Variants in ZKSCAN5 observed in about 807,000 individuals in gnomAD.
The protein encoded by ZKSCAN5 is zinc finger protein with KRAB and SCAN domains 5.
ZKSCAN5 carries 28 observed loss-of-function variants against 60.0 expected under a neutral mutation model. That is an observed-to-expected ratio of 0.47 (90% CI 0.35 to 0.64). The LOEUF (loss-of-function observed/expected upper bound fraction) is 0.64, where lower values mean the gene tolerates loss of function less well. Among genes scored for constraint, ZKSCAN5 ranks in the 30% least tolerant of loss-of-function variants. The probability of loss-of-function intolerance (pLI) is 0.01; values close to 1 mark genes in which losing one functional copy is unlikely to be tolerated. For synonymous variants in ZKSCAN5, 361 were observed against 371.2 expected, an observed-to-expected ratio of 0.97 and a Z score of 0.31; for missense variants, 881 against 1,034.6, an observed-to-expected ratio of 0.85 and a Z score of 2.04.
At chr7:99,516,082 A>C (rs1801254392) in intron 3 of ZKSCAN5, among the ~76,000 whole-genome samples, 1 of 150,520 alleles carries the variant, frequency 6.6e-6, no homozygotes, top group African/African-American at 2.4e-5. Context: ...GGTTCAAGCG[A>C]CTCTCCTGCC....
intron 2 of ZKSCAN5, among the ~76,000 whole-genome samples, chr7:99,511,583 C>G (rs1462437179): frequency 6.6e-6 from 1 of 151,518 alleles, no homozygotes; most frequent in East Asian, 1.9e-4. Context: ...GCTGGGACCA[C>G]AGGGACATGC....
intron 3 of ZKSCAN5, among the ~76,000 whole-genome samples, chr7:99,512,930 A>G (rs1801106256): frequency 6.7e-6 from 1 of 149,458 alleles, no homozygotes; most frequent in African/African-American, 2.5e-5. Context: ...GCACCCACTA[A>G]CTCGTCATCT....
intron 3 of ZKSCAN5, among the ~76,000 whole-genome samples, chr7:99,514,820 A>T (rs1801192365): frequency 6.6e-6 from 1 of 151,990 alleles, no homozygotes. Flanking sequence ...CTGAGTCAGG[A>T]GAATTGCTTG....
intron 5 of ZKSCAN5, among the ~76,000 whole-genome samples, chr7:99,523,348 G>A (rs773743329): frequency 6.6e-6 from 1 of 151,730 alleles, no homozygotes; most frequent in Non-Finnish European, 1.5e-5. Context: ...CCTGCTGAAC[G>A]CAGGAACTCA....
chr7:99,531,182 G>T lies in ZKSCAN5; in HGVS notation c.1453G>T (p.Glu485Ter). Residue 485 changes from glutamate to a stop codon, truncating the protein, a stop_gained, in exon 7 of 7, where the codon GAA becomes TAA. Coordinates refer to ENST00000326775, the MANE Select transcript of ZKSCAN5 (RefSeq NM_145102.4). LOFTEE classifies it high-confidence loss of function. ...KISEYSEADM[E>*]LSGKTQRNVS... ...TTCAGAATATTCAGAAGCAGACATG[G>T]AACTATCTGGAAAAACCCAAAGAAA... The T allele has an allele frequency of 6.2e-7, 1 of 1,613,828 alleles. No individual in the cohort carries two copies. The highest frequency in any genetic ancestry group is 1.1e-5 in the South Asian group (1 of 90,928).
At chr7:99,505,829 G>GAATTGTTTCAGTGTAACACAGCCAGC in intron 1 of ZKSCAN5, 176 bp from the exon 2 acceptor site, 1 of 475,526 alleles carries the variant, frequency 2.1e-6, no homozygotes, top group Non-Finnish European at 3.8e-6. Context: ...TGAAGTGATG[G>GAATTGTTTCAGTGTAACACAGCCAGC]CTACCTTGTA....
rs149025025 is a variant in ZKSCAN5 at position 99,524,911 on chromosome 7, G to A, written c.773-902G>A. On this transcript the variant is annotated intron_variant, in intron 5 of 6. Transcript: ENST00000326775. ...TGACTGGGCGCGGTGGCTCATGTCT[G>A]TAATCCCAGCACTTTGGGAGGCCGA... is the stretch of plus-strand genomic sequence containing the variant. 1.5e-3 allele frequency among the ~76,000 whole-genome samples: 228 copies of A among 152,182 alleles called. 1 individual carries two copies. Among genetic ancestry groups the A allele is most frequent in the African/African-American group, 4.6e-3 (189 of 41,534 alleles).
Position 99,531,875 on chromosome 7 carries a change from C to G in ZKSCAN5, c.2146C>G (p.Pro716Ala), listed in dbSNP as rs767349979. Residue 716 changes from proline (P) to alanine (A), a missense_variant, in exon 7 of 7, where the codon CCT (proline) becomes GCT (alanine). By Grantham distance (27) the Pro-to-Ala change is conservative. Transcript: ENST00000326775. ...CAAGAAGATTGAGTTACAAGAGCAG[C>G]CTTATCAGTGTGATATCTGTGGAAA... Reference protein sequence around the residue: ...EDKKIELQEQPYQCDICGKAF... With the variant: ...EDKKIELQEQAYQCDICGKAF... The G allele has an allele frequency of 3.7e-6, 6 of 1,614,178 alleles. No homozygotes were observed. In the South Asian group the frequency reaches 6.6e-5, roughly 18 times the overall value.
chr7:99,531,093 C>T lies in ZKSCAN5; in HGVS notation c.1379-15C>T, dbSNP rs754356165. ...AGAACTGATGACATTTTCACTTGCT[C>T]TTTATTTTTTTTAGGCAGTGACAAA... On this transcript the variant is annotated splice_polypyrimidine_tract_variant and intron_variant, in intron 6 of 6. Transcript: ENST00000326775. 1 of 1,561,364 alleles carries T rather than the reference C, an allele frequency of 6.4e-7. No individual in the cohort carries two copies. Among genetic ancestry groups the T allele is most frequent in the South Asian group, 1.2e-5 (1 of 81,398 alleles).
At chr7:99,518,670 C>CT (rs993896580) in intron 3 of ZKSCAN5, among the ~76,000 whole-genome samples, 12,316 of 92,246 alleles carry the variant, frequency 0.13, 1,377 homozygotes, top group African/African-American at 0.26. Flanking sequence ...AGAATGCATC[C>CT]TTTTTTTTTT....
At chr7:99,527,166 CA>C (rs1801828742) in intron 6 of ZKSCAN5, among the ~76,000 whole-genome samples, 1 of 152,046 alleles carries the variant, frequency 6.6e-6, no homozygotes, top group African/African-American at 2.4e-5. Context: ...CTTGTCTCTA[CA>C]AAAAAATTTA....
chr7:99,527,307 C>T (rs1801834118), intron 6 of ZKSCAN5, among the ~76,000 whole-genome samples: 1 of 152,224 alleles, frequency 6.6e-6, no homozygotes. Flanking sequence ...AGCCACTGCA[C>T]TCCAGACTGG....
chr7:99,512,700 C>T (rs1384306008), intron 3 of ZKSCAN5, 109 bp downstream of exon 3: 5 of 1,407,732 alleles, frequency 3.6e-6, no homozygotes, highest in Non-Finnish European at 4.7e-6. Context: ...AGCCTCTCTA[C>T]AGCCTGCAGG....
intron 5 of ZKSCAN5, among the ~76,000 whole-genome samples, chr7:99,522,547 C>T (rs1801584552): frequency 6.6e-6 from 1 of 151,194 alleles, no homozygotes; most frequent in Admixed American, 6.6e-5. Context: ...GATCTTGGCT[C>T]ACTGCAACCT....
chr7:99,510,979 A>T (rs944266779), intron 2 of ZKSCAN5, among the ~76,000 whole-genome samples: 1 of 152,118 alleles, frequency 6.6e-6, no homozygotes, highest in African/African-American at 2.4e-5. Flanking sequence ...CCTGAGCTCA[A>T]GTCATCCACC....
chr7:99,531,393 G>A lies in ZKSCAN5; in HGVS notation c.1664G>A (p.Gly555Glu). Residue 555 changes from glycine to glutamate, a missense_variant, in exon 7 of 7, where the codon GGG becomes GAG. This residue lies in a region of ZKSCAN5 where 490 missense variants were observed against 554.5 expected (regional missense o/e 0.88). Coordinates refer to ENST00000326775, the MANE Select transcript of ZKSCAN5 (RefSeq NM_145102.4). Reference sequence around the variant, plus strand: ...AGACCACATAAATGTAACGAGTGTGGGAAAAGCTTCATTCAGAGTGCACAT... The same window carrying A: ...AGACCACATAAATGTAACGAGTGTGAGAAAAGCTTCATTCAGAGTGCACAT... ...GERPHKCNECGKSFIQSAHLI... is the reference protein window; with the variant it reads ...GERPHKCNECEKSFIQSAHLI... The A allele has an allele frequency of 1.9e-6, 3 of 1,614,120 alleles. No individual in the cohort carries two copies. Among genetic ancestry groups the A allele is most frequent in the South Asian group, 1.1e-5 (1 of 91,082 alleles).
intron 3 of ZKSCAN5, among the ~76,000 whole-genome samples, chr7:99,515,311 A>G (rs556604616): frequency 1.3e-5 from 2 of 151,684 alleles, no homozygotes; most frequent in African/African-American, 4.8e-5. Flanking sequence ...GGAGGCTGAG[A>G]CAGGAGAATG....
At position 99,526,481 on chromosome 7, in the gene ZKSCAN5, A is replaced by G. The variant is rs892658999; in HGVS notation, c.1378+63A>G. On this transcript the variant is annotated intron_variant, in intron 6 of 6. Transcript: ENST00000326775. Reference sequence around the variant, plus strand: ...GGCGAAAAGCAAAAGGTGTTTTATTAGTACGGTACAACAGGACAGATGGGT... The same window carrying G: ...GGCGAAAAGCAAAAGGTGTTTTATTGGTACGGTACAACAGGACAGATGGGT... The G allele has an allele frequency of 2.6e-6, 4 of 1,549,916 alleles. No homozygotes were observed. The African/African-American group carries it at 5.4e-5, about 21-fold the overall frequency.
chr7:99,530,182 C>T (rs903367107), intron 6 of ZKSCAN5, among the ~76,000 whole-genome samples: 19 of 151,884 alleles, frequency 1.3e-4, no homozygotes, highest in Admixed American at 4.6e-4. Flanking sequence ...TACAGGCGCC[C>T]GCCACCATGC....
Sources: gnomAD v4.1 joint callset for allele counts (sites outside exome capture counted in the v4.1 genomes callset) on GRCh38, gnomAD v4.1.1 for gene constraint, gnomAD v4.1.1 regional missense constraint, MANE v1.5 for transcripts, NCBI Gene and HGNC (gene_info 2026-07-23, HGNC 2026-07-21) for gene names.